RPRD1B: variants seen among roughly 807,000 people sequenced by gnomAD.
RPRD1B encodes regulation of nuclear pre-mRNA domain containing 1B, also known as regulation of nuclear pre-mRNA domain-containing protein 1B.
A neutral mutation model predicts 41.5 loss-of-function variants in RPRD1B; 11 were observed. The observed-to-expected ratio is 0.27, with a 90% confidence interval of 0.17 to 0.44. The LOEUF is 0.44. Ranked by LOEUF, RPRD1B falls within the 20% of genes least tolerant of loss-of-function variation. The pLI is 1.00. For synonymous variants in RPRD1B, 158 were observed against 155.6 expected, an observed-to-expected ratio of 1.02 and a Z score of -0.12; for missense variants, 248 against 389.9, an observed-to-expected ratio of 0.64 and a Z score of 3.06.
chr20:38,044,812 C>A (rs1201848536), intron 2 of RPRD1B, among the ~76,000 whole-genome samples: 1 of 152,170 alleles, frequency 6.6e-6, no homozygotes, highest in Non-Finnish European at 1.5e-5. Context: ...GTCTGGCCTT[C>A]TGTGTTAACT....
At position 38,048,414 on chromosome 20, in the gene RPRD1B, G is replaced by T. The variant is rs138106225; in HGVS notation, c.348G>T (p.Val116=). Residue 116 remains valine, a synonymous_variant, in exon 3 of 7, where the codon GTG becomes GTT. Transcript: ENST00000373433. ...RLLNIWQERS[V]YGGEFIQQLK... ...TGAACATCTGGCAAGAACGAAGTGT[G>T]TATGGCGGCGAGTTCATACAGCAGC... 1.2e-6 allele frequency: 2 copies of T among 1,614,068 alleles called. No individual in the cohort carries two copies. The highest frequency in any genetic ancestry group is 1.7e-6 in the Non-Finnish European group (2 of 1,179,942).
At chr20:38,065,310 G>T (rs573029150) in intron 5 of RPRD1B, among the ~76,000 whole-genome samples, 290 of 152,212 alleles carry the variant, frequency 1.9e-3, no homozygotes, top group African/African-American at 6.4e-3. Context: ...CGGGGAGGGG[G>T]TCTTAGTTCC....
intron 6 of RPRD1B, among the ~76,000 whole-genome samples, chr20:38,067,498 G>C (rs1399857297): frequency 6.6e-6 from 1 of 152,136 alleles, no homozygotes; most frequent in African/African-American, 2.4e-5. Flanking sequence ...GGAACATTGA[G>C]CTATCTCTGA....
At chr20:38,086,811 G>A (rs1046547409) in intron 6 of RPRD1B, among the ~76,000 whole-genome samples, 3 of 152,118 alleles carry the variant, frequency 2.0e-5, no homozygotes, top group Non-Finnish European at 4.4e-5. Flanking sequence ...CCTGAAGAGT[G>A]GAACACATTT....
At chr20:38,073,250 A>C (rs772295453) in intron 6 of RPRD1B, among the ~76,000 whole-genome samples, 1 of 152,200 alleles carries the variant, frequency 6.6e-6, no homozygotes, top group African/African-American at 2.4e-5. Flanking sequence ...AGTGTGAAAG[A>C]ACCTACTCTG....
chr20:38,050,084 A>G (rs2074169731), intron 3 of RPRD1B, among the ~76,000 whole-genome samples: 1 of 152,210 alleles, frequency 6.6e-6, no homozygotes. Flanking sequence ...CCATGTGGTC[A>G]TTCCCTCCTT....
At chr20:38,081,942 C>T (rs143467849) in intron 6 of RPRD1B, among the ~76,000 whole-genome samples, 1 of 152,270 alleles carries the variant, frequency 6.6e-6, no homozygotes, top group African/African-American at 2.4e-5. Context: ...TTTTGATGTG[C>T]TGCTGGATTT....
chr20:38,057,759 T>TGAGAGGTGCC, intron 4 of RPRD1B, 115 bp downstream of exon 4: 1 of 698,408 alleles, frequency 1.4e-6, no homozygotes, highest in Non-Finnish European at 2.5e-6. Flanking sequence ...AGAGGGCACC[T>TGAGAGGTGCC]CTCAGGGGCC....
Position 38,089,827 on chromosome 20 carries a change from G to A in RPRD1B, c.933G>A (p.Gly311=), listed in dbSNP as rs777704147. ...TCTCACTGCTGCCCAACGTCACAGG[G>A]GGCTTAGCCCCCCTGCCCTCTGCTG... is the stretch of plus-strand genomic sequence containing the variant. The part of the protein sequence containing the change: ...PDLSLLPNVT[G]GLAPLPSAGD... The change falls in exon 7 of 7, where the codon GGG becomes GGA. Residue 311 remains glycine (G), a synonymous_variant. Transcript: ENST00000373433. 1 of 1,614,050 alleles carries A rather than the reference G, an allele frequency of 6.2e-7. No homozygotes were observed. Among genetic ancestry groups the A allele is most frequent in the Non-Finnish European group, 8.5e-7 (1 of 1,180,040 alleles).
chr20:38,058,355 T>TA (rs2074264343), intron 4 of RPRD1B, among the ~76,000 whole-genome samples: 1 of 152,226 alleles, frequency 6.6e-6, no homozygotes, highest in South Asian at 2.1e-4. Context: ...TGTGTTATGT[T>TA]ACGGTGTTGA....
chr20:38,041,214 AG>A (rs2074063049), intron 2 of RPRD1B, among the ~76,000 whole-genome samples: 1 of 152,230 alleles, frequency 6.6e-6, no homozygotes, highest in Non-Finnish European at 1.5e-5. Flanking sequence ...GGCTTAAATT[AG>A]GTGCCCAGGA....
rs551766902 is a variant in RPRD1B, at chr20:38,054,270, A to G, written c.416-3262A>G. ...AATGAGGAGCCCTGTGGGGGAAATG[A>G]TTAGTAATTCATGTCCAGAAATCTT... On this transcript the variant is annotated intron_variant, in intron 3 of 6. Coordinates refer to ENST00000373433, the MANE Select transcript of RPRD1B (RefSeq NM_021215.4). Among the ~76,000 whole-genome samples, 118 of 152,300 alleles carry G rather than the reference A, an allele frequency of 7.7e-4. 1 individual carries two copies. The highest frequency in any genetic ancestry group is 2.6e-3 in the African/African-American group (110 of 41,564).
chr20:38,068,602 A>G (rs750072357), intron 6 of RPRD1B, among the ~76,000 whole-genome samples: 21 of 152,106 alleles, frequency 1.4e-4, no homozygotes, highest in Non-Finnish European at 2.4e-4. Context: ...GTTTCACCAT[A>G]TTGGCCAGGC....
intron 2 of RPRD1B, among the ~76,000 whole-genome samples, chr20:38,046,395 AT>A (rs2074121486): frequency 6.6e-6 from 1 of 152,252 alleles, no homozygotes; most frequent in Non-Finnish European, 1.5e-5. Flanking sequence ...TCTGGAAAAG[AT>A]TACAATTTGA....
At chr20:38,085,219 C>T (rs1258285014) in intron 6 of RPRD1B, among the ~76,000 whole-genome samples, 1 of 152,014 alleles carries the variant, frequency 6.6e-6, no homozygotes, top group Non-Finnish European at 1.5e-5. Flanking sequence ...GAGAAGAGTG[C>T]GCTGGTGGGG....
chr20:38,090,803 T>TA lies in RPRD1B; in HGVS notation c.*930dup. The TA allele has an allele frequency of 1.0e-6, 1 of 985,310 alleles. No individual in the cohort carries two copies. The highest frequency in any genetic ancestry group is 1.2e-6 in the Non-Finnish European group (1 of 829,922). The allele number at this position is 985,310 out of a possible 1,614,324, so 61.0% of individuals were successfully genotyped here. A position where few individuals can be genotyped will look rare whatever the true frequency, so the allele number is the denominator to read the frequency against. Reference sequence around the variant, plus strand: ...TTTCTTCTGGGAGTAGGGTACACACTAACGTTTAATCCGCTGTCTGGGTGC... The same window carrying TA: ...TTTCTTCTGGGAGTAGGGTACACACTAAACGTTTAATCCGCTGTCTGGGTGC... On this transcript the variant is annotated 3_prime_UTR_variant, in exon 7 of 7. Coordinates refer to ENST00000373433, the MANE Select transcript of RPRD1B (RefSeq NM_021215.4).
At chr20:38,048,914 T>G (rs1384410746) in intron 3 of RPRD1B, among the ~76,000 whole-genome samples, 1 of 152,200 alleles carries the variant, frequency 6.6e-6, no homozygotes, top group African/African-American at 2.4e-5. Flanking sequence ...TTGAAACATA[T>G]CCTTAGGATT....
At chr20:38,062,495 C>T (rs992679802) in intron 5 of RPRD1B, among the ~76,000 whole-genome samples, 12 of 152,122 alleles carry the variant, frequency 7.9e-5, no homozygotes, top group African/African-American at 2.9e-4. Context: ...CCACACTGAA[C>T]TTCTGACCTT....
chr20:38,082,280 C>G (rs897508870), intron 6 of RPRD1B, among the ~76,000 whole-genome samples: 2 of 152,170 alleles, frequency 1.3e-5, no homozygotes, highest in Non-Finnish European at 1.5e-5. Flanking sequence ...CTTCCTGGTT[C>G]AATCTCGGGA....
Sources: gnomAD v4.1 joint callset for allele counts (sites outside exome capture counted in the v4.1 genomes callset) on GRCh38, gnomAD v4.1.1 for gene constraint, MANE v1.5 for transcripts, NCBI Gene and HGNC (gene_info 2026-07-23, HGNC 2026-07-21) for gene names.